MGMT: variants seen among roughly 807,000 people sequenced by gnomAD.
The protein encoded by MGMT is O-6-methylguanine-DNA methyltransferase, also known as methylated-DNA--protein-cysteine methyltransferase.
A neutral mutation model predicts 15.9 loss-of-function variants in MGMT; 14 were observed. That is an observed-to-expected ratio of 0.88 (90% CI 0.58 to 1.37). The LOEUF is 1.37. Among genes scored for constraint, MGMT ranks in the 40% most tolerant of loss-of-function variants. MGMT has a pLI of 0.00. For missense variants in MGMT, 282 were observed against 268.1 expected (o/e 1.05, Z -0.36); for synonymous variants, 130 against 118.2 (o/e 1.10, Z -0.65).
chr10:129,471,098 G>A (rs913488787), intron 1 of MGMT, among the ~76,000 whole-genome samples: 2 of 152,294 alleles, frequency 1.3e-5, no homozygotes, highest in African/African-American at 4.8e-5. Flanking sequence ...GTCCACCAGC[G>A]GCGTGGCTTG....
intron 1 of MGMT, among the ~76,000 whole-genome samples, chr10:129,503,812 G>C (rs1845598779): frequency 6.6e-6 from 1 of 152,158 alleles, no homozygotes; most frequent in Non-Finnish European, 1.5e-5. Flanking sequence ...TTGTAGCAAT[G>C]CCCCTGGTCT....
chr10:129,661,876 G>T (rs1847602224), intron 2 of MGMT, among the ~76,000 whole-genome samples: 2 of 152,094 alleles, frequency 1.3e-5, no homozygotes, highest in South Asian at 4.2e-4. Context: ...CTGACATAAG[G>T]TTTTTCTACA....
intron 2 of MGMT, among the ~76,000 whole-genome samples, chr10:129,578,661 A>G (rs1490013873): frequency 6.6e-6 from 1 of 152,212 alleles, no homozygotes; most frequent in Non-Finnish European, 1.5e-5. Flanking sequence ...GTGCACATGT[A>G]CCCTAAAACT....
chr10:129,607,079 G>A (rs1846900218), intron 2 of MGMT, among the ~76,000 whole-genome samples: 1 of 152,178 alleles, frequency 6.6e-6, no homozygotes, highest in Admixed American at 6.5e-5. Flanking sequence ...GCACCCTCCG[G>A]TTTGGGAGGT....
intron 1 of MGMT, among the ~76,000 whole-genome samples, chr10:129,488,174 A>C (rs892815715): frequency 6.6e-6 from 1 of 152,244 alleles, no homozygotes; most frequent in East Asian, 1.9e-4. Context: ...CTACAGGACA[A>C]TAACTTTTGT....
intron 2 of MGMT, among the ~76,000 whole-genome samples, chr10:129,633,282 C>T (rs947685942): frequency 3.3e-5 from 5 of 152,172 alleles, no homozygotes; most frequent in African/African-American, 4.8e-5. Flanking sequence ...CTAGTGAGAT[C>T]GTTTAGATAA....
chr10:129,640,683 A>G (rs7905473), intron 2 of MGMT, among the ~76,000 whole-genome samples: 7,316 of 152,268 alleles, frequency 0.048, 214 homozygotes, highest in Middle Eastern at 0.089. Flanking sequence ...ATACAGACCA[A>G]TATTCCTAAT....
At chr10:129,500,360 C>T (rs930235544) in intron 1 of MGMT, among the ~76,000 whole-genome samples, 4 of 152,034 alleles carry the variant, frequency 2.6e-5, no homozygotes, top group Admixed American at 6.6e-5. Flanking sequence ...CAGGAGGGTG[C>T]GGTGGTGAAG....
chr10:129,601,483 G>C (rs1452908261), intron 2 of MGMT, among the ~76,000 whole-genome samples: 1 of 152,196 alleles, frequency 6.6e-6, no homozygotes, highest in Non-Finnish European at 1.5e-5. Flanking sequence ...AGGGTGTCCA[G>C]CCTTCCTGGC....
At chr10:129,753,136 C>T (rs960919512) in intron 3 of MGMT, among the ~76,000 whole-genome samples, 2 of 152,136 alleles carry the variant, frequency 1.3e-5, no homozygotes, top group Admixed American at 6.5e-5. Context: ...TTTCTTTCAG[C>T]ACTTCAAAAG....
chr10:129,765,696 G>T (rs1848925745), intron 4 of MGMT, among the ~76,000 whole-genome samples: 1 of 152,188 alleles, frequency 6.6e-6, no homozygotes. Flanking sequence ...TCTCAGAAGA[G>T]ATCAGGGCGC....
chr10:129,627,232 G>C (rs485576), intron 2 of MGMT, among the ~76,000 whole-genome samples: 68,347 of 151,544 alleles, frequency 0.45, 15,786 homozygotes, highest in East Asian at 0.62. Context: ...TCCAGTTACT[G>C]TTTTTCTCAC....
At chr10:129,626,553 G>A (rs1416583664) in intron 2 of MGMT, among the ~76,000 whole-genome samples, 3 of 152,168 alleles carry the variant, frequency 2.0e-5, no homozygotes, top group Non-Finnish European at 2.9e-5. Flanking sequence ...GGAGACGCCT[G>A]AGCTGGGAAG....
intron 2 of MGMT, among the ~76,000 whole-genome samples, chr10:129,575,218 C>T (rs1249764266): frequency 1.3e-5 from 2 of 152,142 alleles, no homozygotes; most frequent in African/African-American, 4.8e-5. Context: ...CACCCCAAAT[C>T]AACAGAATAT....
chr10:129,747,292 T>C (rs1393470684), intron 3 of MGMT, among the ~76,000 whole-genome samples: 1 of 152,198 alleles, frequency 6.6e-6, no homozygotes, highest in Admixed American at 6.5e-5. Context: ...ATCTTGCTTT[T>C]TTTGCACAGT....
At chr10:129,571,957 G>T (rs899977304) in intron 2 of MGMT, among the ~76,000 whole-genome samples, 15 of 152,160 alleles carry the variant, frequency 9.9e-5, no homozygotes, top group African/African-American at 3.6e-4. Flanking sequence ...ACAATTCACG[G>T]TGCATTTTAA....
rs139567169 is a variant in MGMT, at chr10:129,708,469, G to T, written c.274+426G>T. 5.6e-3 allele frequency among the ~76,000 whole-genome samples: 854 copies of T among 152,284 alleles called. 12 individuals are homozygous for T. Among genetic ancestry groups the T allele is most frequent in the African/African-American group, 0.02 (833 of 41,552 alleles). The stretch of plus-strand genomic sequence containing the variant: ...TGTTGGTGACACTTACATCATAGCA[G>T]GTAGCAGCATTGGAGCTTCTCAAAT... On this transcript the variant is annotated intron_variant, in intron 3 of 4. Coordinates refer to ENST00000651593, the MANE Select transcript of MGMT (RefSeq NM_002412.5).
chr10:129,614,472 C>G lies in MGMT; in HGVS notation c.125+78095C>G, dbSNP rs957624121. 1.5e-4 allele frequency among the ~76,000 whole-genome samples: 23 copies of G among 151,924 alleles called. No individual in the cohort carries two copies. In the East Asian group the frequency reaches 2.4e-3, roughly 16 times the overall value. The stretch of plus-strand genomic sequence containing the variant: ...CTCGCTATGACTTCTTTGTGTGAGA[C>G]TGTCAGAGTGTGTTCCTGGCCCTGA... On this transcript the variant is annotated intron_variant, in intron 2 of 4. Transcript: ENST00000651593.
At chr10:129,528,656 C>A (rs376595978) in intron 1 of MGMT, among the ~76,000 whole-genome samples, 12 of 149,980 alleles carry the variant, frequency 8.0e-5, no homozygotes, top group African/African-American at 3.0e-4. Flanking sequence ...CCATGGAGAA[C>A]CGTGGTGGCG....
Sources: allele counts gnomAD v4.1 joint callset (sites outside exome capture counted in the v4.1 genomes callset), GRCh38; gene constraint gnomAD v4.1.1; transcripts MANE v1.5; gene names NCBI Gene and HGNC (gene_info 2026-07-23, HGNC 2026-07-21).